The following SVEP1 variants were observed in gnomAD, a reference collection of about 807,000 sequenced individuals.
SVEP1 encodes sushi, von Willebrand factor type A, EGF and pentraxin domain containing 1, also known as sushi, von Willebrand factor type A, EGF and pentraxin domain-containing protein 1.
A neutral mutation model predicts 367.3 loss-of-function variants in SVEP1; 164 were observed. That is an observed-to-expected ratio of 0.45 (90% CI 0.39 to 0.51). The LOEUF is 0.51. Among genes scored for constraint, SVEP1 ranks in the 20% least tolerant of loss-of-function variants. The pLI is 0.00. For missense variants in SVEP1, 4,117 were observed against 4,425.3 expected (o/e 0.93, Z 1.98); for synonymous variants, 1,666 against 1,611.6 (o/e 1.03, Z -0.81).
At chr9:110,500,697 C>T (rs10125263) in intron 6 of SVEP1, among the ~76,000 whole-genome samples, 3,748 of 152,168 alleles carry the variant, frequency 0.025, 151 homozygotes, top group African/African-American at 0.083. Flanking sequence ...AGTCAATTTT[C>T]CCCTATGATC....
chr9:110,515,943 G>C (rs960123183), intron 3 of SVEP1, among the ~76,000 whole-genome samples: 1 of 151,916 alleles, frequency 6.6e-6, no homozygotes, highest in Non-Finnish European at 1.5e-5. Context: ...AAGGCACTAA[G>C]AGTTTAAATA....
chr9:110,504,355 C>T (rs1172592156), intron 5 of SVEP1, among the ~76,000 whole-genome samples: 7 of 152,072 alleles, frequency 4.6e-5, no homozygotes, highest in South Asian at 4.1e-4. Flanking sequence ...CCACCGCACC[C>T]GCCCTTGGAA....
chr9:110,493,626 G>A (rs1829402711), intron 8 of SVEP1, among the ~76,000 whole-genome samples: 1 of 152,128 alleles, frequency 6.6e-6, no homozygotes, highest in Admixed American at 6.5e-5. Flanking sequence ...CAGCTACTTG[G>A]GAGGCTGAGG....
intron 40 of SVEP1, among the ~76,000 whole-genome samples, chr9:110,394,810 T>C (rs2118982581): frequency 6.6e-6 from 1 of 152,024 alleles, no homozygotes; most frequent in Admixed American, 6.6e-5. Flanking sequence ...GAAAAAAGAA[T>C]AAAAAGAAAT....
At chr9:110,387,509 T>C (rs1336535598) in intron 41 of SVEP1, 51 bp from the exon 42 acceptor site, 1 of 1,490,826 alleles carries the variant, frequency 6.7e-7, no homozygotes, top group African/African-American at 1.4e-5. Context: ...AATTCCTCTT[T>C]CCTTCTTTTC....
chr9:110,436,230 C>A (rs542350178), intron 28 of SVEP1, 150 bp downstream of exon 28: 79 of 969,378 alleles, frequency 8.1e-5, no homozygotes, highest in Non-Finnish European at 1.0e-4. Context: ...TGCCTAACTT[C>A]ATCTATAACC....
At chr9:110,372,405 C>A (rs1371984467) in intron 46 of SVEP1, among the ~76,000 whole-genome samples, 1 of 152,068 alleles carries the variant, frequency 6.6e-6, no homozygotes, top group Non-Finnish European at 1.5e-5. Context: ...ATGCTTAGTA[C>A]TTAGGGGTGT....
rs551797092 is a variant in SVEP1, at chr9:110,391,501, A to G, written c.9823-1914T>C. Among the ~76,000 whole-genome samples, 17 of 151,970 alleles carry G rather than the reference A, an allele frequency of 1.1e-4. No homozygotes were observed. In the East Asian group the frequency reaches 2.3e-3, roughly 21 times the overall value. On this transcript the variant is annotated intron_variant, in intron 40 of 47. Coordinates refer to ENST00000374469, the MANE Select transcript of SVEP1 (RefSeq NM_153366.4). ...TGGACAGGCTGGTCTCAAACTCCTGACCTCAGGTGACCTACCCGCCTCAGC... is the reference window on the plus strand; with the variant it reads ...TGGACAGGCTGGTCTCAAACTCCTGGCCTCAGGTGACCTACCCGCCTCAGC...
rs761265926 is a variant in SVEP1, at chr9:110,471,384, A to G, written c.2978T>C (p.Val993Ala). Residue 993 changes from valine to alanine, a missense_variant, in exon 16 of 48, where the codon GTG (valine) becomes GCG (alanine). Physicochemically the swap from Val to Ala is moderately conservative, Grantham distance 64 (BLOSUM62 0). This residue lies in a region of SVEP1 where 2,174 missense variants were observed against 2,494.3 expected (regional missense o/e 0.87). Transcript: ENST00000374469. ...KASPFCRPGSVLRGRMCVNCP... is the reference protein window; with the variant it reads ...KASPFCRPGSALRGRMCVNCP... ...CTTACCACACATACGCCCTCTCAGC[A>G]CTGAGCCTGGTCTGCAGAAGGGGGA... The G allele has an allele frequency of 2.4e-5, 39 of 1,613,856 alleles. No homozygotes were observed. Among genetic ancestry groups the G allele is most frequent in the Non-Finnish European group, 3.1e-5 (37 of 1,179,882 alleles).
chr9:110,409,463 A>C (rs1828012189), intron 37 of SVEP1, among the ~76,000 whole-genome samples: 1 of 152,180 alleles, frequency 6.6e-6, no homozygotes. Flanking sequence ...AATCAAATTA[A>C]GTAATCCCCA....
intron 40 of SVEP1, among the ~76,000 whole-genome samples, chr9:110,399,450 G>A (rs1045188131): frequency 6.6e-6 from 1 of 151,834 alleles, no homozygotes; most frequent in Non-Finnish European, 1.5e-5. Context: ...TAACAAACCT[G>A]CACATTGTGC....
At chr9:110,564,503 G>A (rs1473364008) in intron 1 of SVEP1, among the ~76,000 whole-genome samples, 1 of 152,168 alleles carries the variant, frequency 6.6e-6, no homozygotes, top group East Asian at 1.9e-4. Flanking sequence ...CACAAGAGGG[G>A]TGCAAAGGAG....
chr9:110,378,875 A>G (rs528173979), intron 44 of SVEP1, among the ~76,000 whole-genome samples: 1 of 151,520 alleles, frequency 6.6e-6, no homozygotes, highest in African/African-American at 2.4e-5. Context: ...ACAAACCCGC[A>G]TGTTGTGTGC....
chr9:110,465,821 C>T (rs752890534), intron 18 of SVEP1, 44 bp downstream of exon 18: 2 of 1,588,438 alleles, frequency 1.3e-6, no homozygotes, highest in Non-Finnish European at 1.7e-6. Flanking sequence ...ATGCATAGAA[C>T]CTAGTAGGTT....
chr9:110,394,328 C>T (rs986348039), intron 40 of SVEP1, among the ~76,000 whole-genome samples: 4 of 152,040 alleles, frequency 2.6e-5, no homozygotes, highest in African/African-American at 9.7e-5. Flanking sequence ...ACAGAAAGGA[C>T]ATCCACACCA....
intron 47 of SVEP1, among the ~76,000 whole-genome samples, chr9:110,367,571 TTTC>T (rs1308450697): frequency 2.0e-5 from 3 of 152,312 alleles, no homozygotes; most frequent in African/African-American, 7.2e-5. Context: ...CCCCTCCCAC[TTTC>T]TTTTCTTCTG....
chr9:110,439,328 C>A (rs1479829466), intron 27 of SVEP1, among the ~76,000 whole-genome samples: 2 of 152,152 alleles, frequency 1.3e-5, no homozygotes. Flanking sequence ...AGGAACCAAC[C>A]ATACTGCTAC....
chr9:110,376,231 C>T (rs1425402055), intron 45 of SVEP1, among the ~76,000 whole-genome samples: 1 of 152,026 alleles, frequency 6.6e-6, no homozygotes, highest in Non-Finnish European at 1.5e-5. Context: ...GCTTGGGAAG[C>T]ACTGGTATAA....
rs375665621 is a variant in SVEP1, at chr9:110,399,725, G to A, written c.9822+1129C>T. Among the ~76,000 whole-genome samples, 3 of 152,072 alleles carry A rather than the reference G, an allele frequency of 2.0e-5. 1 individual carries two copies. Among genetic ancestry groups the A allele is most frequent in the African/African-American group, 7.2e-5 (3 of 41,484 alleles). ...TTTTCTGTATTTTTTGTGGAGACTG[G>A]GTCTTACTATGTTGCCCAGCCTGGT... is the stretch of plus-strand genomic sequence containing the variant. On this transcript the variant is annotated intron_variant, in intron 40 of 47. Coordinates refer to ENST00000374469, the MANE Select transcript of SVEP1 (RefSeq NM_153366.4).
Sources: gnomAD v4.1 joint callset for allele counts (sites outside exome capture counted in the v4.1 genomes callset) on GRCh38, gnomAD v4.1.1 for gene constraint, gnomAD v4.1.1 regional missense constraint, MANE v1.5 for transcripts, NCBI Gene and HGNC (gene_info 2026-07-23, HGNC 2026-07-21) for gene names.